The following COL6A5 variants were observed in gnomAD, a reference collection of about 807,000 sequenced individuals.
COL6A5 encodes collagen type VI alpha 5 chain.
COL6A5 carries 48 observed loss-of-function variants against 65.6 expected under a neutral mutation model. The ratio of observed to expected loss-of-function variants is 0.73; its 90% CI spans 0.58 to 0.93. The LOEUF is 0.93. Among genes scored for constraint, COL6A5 ranks in the 40% least tolerant of loss-of-function variants. The probability of loss-of-function intolerance (pLI) is 0.00; values close to 1 mark genes in which losing one functional copy is unlikely to be tolerated. For synonymous variants in COL6A5, 291 were observed against 322.8 expected (o/e 0.90, Z 1.05); for missense variants, 914 against 928.3 (o/e 0.98, Z 0.20).
intron 8 of COL6A5, among the ~76,000 whole-genome samples, chr3:130,397,244 C>T (rs1196363250): frequency 2.2e-4 from 34 of 152,120 alleles, no homozygotes; most frequent in Admixed American, 2.2e-3. Flanking sequence ...CATGCGCACA[C>T]ACATACGACA....
intron 5 of COL6A5, among the ~76,000 whole-genome samples, chr3:130,464,550 A>T (rs1294380517): frequency 1.3e-5 from 2 of 152,100 alleles, no homozygotes; most frequent in Non-Finnish European, 2.9e-5. Flanking sequence ...TCAACTTCAA[A>T]ACTCCAAAAA....
In COL6A5 at chr3:130,401,501, T is replaced by G. The variant is rs556070651; in HGVS notation, c.4135-261T>G. ...GAAACCAACAAGTCTTAGGCAAAGT[T>G]GGGCCATGGCCATCCACATACTGGA... On this transcript the variant is annotated intron_variant and NMD_transcript_variant, in intron 11 of 41. Coordinates refer to the COL6A5 transcript ENST00000312481. 6.3e-4 allele frequency among the ~76,000 whole-genome samples: 96 copies of G among 152,326 alleles called. 1 individual carries two copies. The highest frequency in any genetic ancestry group is 2.2e-3 in the African/African-American group (93 of 41,572).
intron 2 of COL6A5, among the ~76,000 whole-genome samples, chr3:130,374,589 G>A (rs1577440942): frequency 6.6e-6 from 1 of 152,170 alleles, no homozygotes; most frequent in African/African-American, 2.4e-5. Context: ...AAATAGCTGG[G>A]ACTACAAGTG....
At chr3:130,432,431 A>G (rs1577503960) in intron 1 of COL6A5, among the ~76,000 whole-genome samples, 1 of 151,892 alleles carries the variant, frequency 6.6e-6, no homozygotes, top group Admixed American at 6.6e-5. Flanking sequence ...CGTGCCTGTA[A>G]TCCCAGCTAC....
intron 7 of COL6A5, 50 bp downstream of exon 39, chr3:130,471,017 C>G: frequency 7.9e-7 from 1 of 1,271,772 alleles, no homozygotes; most frequent in Non-Finnish European, 1.1e-6. Flanking sequence ...GGAAACAGTT[C>G]TTAAGAAAAC....
chr3:130,413,514 A>G, intron 20 of COL6A5, 31 bp from the exon 21 acceptor site: 1 of 1,543,100 alleles, frequency 6.5e-7, no homozygotes, highest in Non-Finnish European at 8.8e-7. Context: ...TCAGACATCC[A>G]CATACTAACA....
At chr3:130,472,890 TATAA>T (rs1363511252) in intron 7 of COL6A5, among the ~76,000 whole-genome samples, 3 of 145,196 alleles carry the variant, frequency 2.1e-5, no homozygotes, top group Non-Finnish European at 3.0e-5. Context: ...TAGTTAAAGC[TATAA>T]ATATATATAC....
At chr3:130,364,952 G>A (rs1008645978) in intron 1 of COL6A5, among the ~76,000 whole-genome samples, 4 of 152,204 alleles carry the variant, frequency 2.6e-5, no homozygotes, top group African/African-American at 9.6e-5. Flanking sequence ...CTGAAAAGTC[G>A]AGGGATTGAT....
chr3:130,448,505 A>G (rs1333695654), intron 4 of COL6A5, among the ~76,000 whole-genome samples: 1 of 152,172 alleles, frequency 6.6e-6, no homozygotes, highest in Non-Finnish European at 1.5e-5. Flanking sequence ...GAATCTTTTG[A>G]GGTCGAATGC....
At chr3:130,414,745 A>C (rs1422065662) in intron 22 of COL6A5, among the ~76,000 whole-genome samples, 1 of 152,096 alleles carries the variant, frequency 6.6e-6, no homozygotes, top group Non-Finnish European at 1.5e-5. Context: ...AGCCCACTTT[A>C]CATGAAGCCC....
At chr3:130,443,539 G>A (rs1709235638) in exon 4 of COL6A5, 2 of 1,610,794 alleles carry the variant, frequency 1.2e-6, no homozygotes, top group African/African-American at 2.7e-5. Context: ...AATTTAGGAG[G>A]AGAGAATATT....
exon 5 of COL6A5, chr3:130,384,953 G>A (rs1936131008): frequency 1.0e-5 from 16 of 1,551,016 alleles, no homozygotes; most frequent in Non-Finnish European, 1.3e-5. Flanking sequence ...AGTTGGAGTT[G>A]TGCAGTATTC....
chr3:130,384,836 T>C, exon 5 of COL6A5: 1 of 1,549,482 alleles, frequency 6.5e-7, no homozygotes, highest in Non-Finnish European at 8.7e-7. Context: ...TGATATCCAC[T>C]TCCTCATTGA....
chr3:130,379,130 TG>T (rs1184784412), intron 3 of COL6A5, among the ~76,000 whole-genome samples: 2 of 151,864 alleles, frequency 1.3e-5, no homozygotes, highest in Non-Finnish European at 2.9e-5. Flanking sequence ...ATCATACAAG[TG>T]GTGATGGCGG....
chr3:130,453,936 C>T (rs1307243324), intron 4 of COL6A5, among the ~76,000 whole-genome samples: 1 of 152,164 alleles, frequency 6.6e-6, no homozygotes, highest in African/African-American at 2.4e-5. Flanking sequence ...CAGCCAACAC[C>T]TTCTGAAGGA....
At chr3:130,380,028 A>G in exon 4 of COL6A5, 1 of 1,531,166 alleles carries the variant, frequency 6.5e-7, no homozygotes, top group Non-Finnish European at 8.8e-7. Context: ...CTTATGCTGA[A>G]CAAAGGAATC....
chr3:130,475,544 A>G (rs796991314), intron 7 of COL6A5, among the ~76,000 whole-genome samples: 36 of 84,174 alleles, frequency 4.3e-4, no homozygotes, highest in African/African-American at 9.7e-4. Flanking sequence ...CCTCTGGAAT[A>G]AAGACAAAAT....
intron 12 of COL6A5, among the ~76,000 whole-genome samples, chr3:130,403,101 A>G (rs1302742804): frequency 6.6e-6 from 1 of 152,196 alleles, no homozygotes; most frequent in Non-Finnish European, 1.5e-5. Context: ...AGCAAACTCA[A>G]ATGAAATGTT....
chr3:130,377,468 A>G lies in COL6A5; in HGVS notation c.667+632A>G, dbSNP rs143062898. Among the ~76,000 whole-genome samples, 555 of 152,364 alleles carry G rather than the reference A, an allele frequency of 3.6e-3. 3 individuals carry two copies. Among genetic ancestry groups the G allele is most frequent in the African/African-American group, 0.013 (520 of 41,596 alleles). On this transcript the variant is annotated intron_variant and NMD_transcript_variant, in intron 3 of 41. Transcript: ENST00000312481. The stretch of plus-strand genomic sequence containing the variant: ...TGATATATAGTGATACTCAGTGAGA[A>G]GAATGATAACCTTAGAATGAGACAC...
Sources: gnomAD v4.1 joint callset for allele counts (sites outside exome capture counted in the v4.1 genomes callset) on GRCh38, gnomAD v4.1.1 for gene constraint, MANE v1.5 for transcripts, NCBI Gene and HGNC (gene_info 2026-07-23, HGNC 2026-07-21) for gene names.